Variants in FCHSD2 observed in about 807,000 individuals in gnomAD.
FCHSD2 encodes F-BAR and double SH3 domains protein 2.
FCHSD2 carries 38 observed loss-of-function variants against 108.1 expected under a neutral mutation model. That is an observed-to-expected ratio of 0.35 (90% CI 0.27 to 0.46). The LOEUF is 0.46. FCHSD2 is among the 20% of genes least tolerant of loss of function. The pLI, the probability that FCHSD2 is intolerant of heterozygous loss-of-function variation, is 1.00. For missense variants in FCHSD2, 751 were observed against 897.8 expected (o/e 0.84, Z 2.09); for synonymous variants, 279 against 314.7 (o/e 0.89, Z 1.20).
At chr11:72,995,241 T>C (rs1857498296) in intron 5 of FCHSD2, among the ~76,000 whole-genome samples, 1 of 152,186 alleles carries the variant, frequency 6.6e-6, no homozygotes, top group African/African-American at 2.4e-5. Context: ...AAAGCTGTTT[T>C]CCCCCTAAAT....
intron 8 of FCHSD2, among the ~76,000 whole-genome samples, chr11:72,931,268 T>TG (rs1555056683): frequency 2.6e-4 from 11 of 42,438 alleles, no homozygotes; most frequent in African/African-American, 5.9e-4. Flanking sequence ...CTAATTTTTG[T>TG]GGGTTTTTTT....
chr11:72,927,426 G>C (rs1036907348), intron 8 of FCHSD2, among the ~76,000 whole-genome samples: 2 of 152,154 alleles, frequency 1.3e-5, no homozygotes. Context: ...TTCATCAATT[G>C]CAACAAATGT....
At chr11:72,924,326 G>C (rs1239635190) in intron 8 of FCHSD2, among the ~76,000 whole-genome samples, 1 of 152,034 alleles carries the variant, frequency 6.6e-6, no homozygotes. Flanking sequence ...TGCCCAGGCT[G>C]GAGTGCAGTG....
intron 8 of FCHSD2, among the ~76,000 whole-genome samples, chr11:72,950,549 T>C (rs958782151): frequency 6.6e-6 from 1 of 152,212 alleles, no homozygotes; most frequent in Non-Finnish European, 1.5e-5. Flanking sequence ...TGCATGTGGA[T>C]ATTCAGTTGT....
chr11:72,887,733 T>C lies in FCHSD2; in HGVS notation c.1042-159A>G, dbSNP rs1591371229. On this transcript the variant is annotated intron_variant, in intron 11 of 19. Transcript: ENST00000409418. ...GAACATTTTGAAATAATTATAGACT[T>C]ACTAGTAACAAACTTACTACAGACA... 3.3e-5 allele frequency among the ~76,000 whole-genome samples: 5 copies of C among 152,306 alleles called. No individual in the cohort carries two copies. The East Asian group carries it at 9.6e-4, about 29-fold the overall frequency.
intron 8 of FCHSD2, among the ~76,000 whole-genome samples, chr11:72,968,155 T>G (rs1269629466): frequency 6.6e-6 from 1 of 150,520 alleles, no homozygotes; most frequent in African/African-American, 2.4e-5. Flanking sequence ...TATCTTGAGG[T>G]TTTCCAATTT....
chr11:73,090,740 G>A (rs1255720085), intron 2 of FCHSD2, among the ~76,000 whole-genome samples: 1 of 152,120 alleles, frequency 6.6e-6, no homozygotes, highest in Non-Finnish European at 1.5e-5. Context: ...TAAACTATGT[G>A]CATATATATA....
intron 3 of FCHSD2, among the ~76,000 whole-genome samples, chr11:73,045,182 G>T (rs925378247): frequency 1.3e-5 from 2 of 151,912 alleles, no homozygotes; most frequent in Non-Finnish European, 2.9e-5. Context: ...CATCATCACT[G>T]GCCATCAGAG....
intron 10 of FCHSD2, among the ~76,000 whole-genome samples, chr11:72,900,512 T>C (rs988376368): frequency 2.0e-5 from 3 of 152,072 alleles, no homozygotes; most frequent in African/African-American, 7.2e-5. Flanking sequence ...CTGTGGAAAA[T>C]AGCAATGATA....
intron 8 of FCHSD2, among the ~76,000 whole-genome samples, chr11:72,968,090 C>CA (rs10670606): frequency 0.014 from 1,262 of 87,442 alleles, 6 homozygotes; most frequent in Middle Eastern, 0.05. Flanking sequence ...GACTCTGTCT[C>CA]AAAAAAAAAA....
At chr11:72,874,807 G>C (rs1854933428) in intron 12 of FCHSD2, among the ~76,000 whole-genome samples, 1 of 152,100 alleles carries the variant, frequency 6.6e-6, no homozygotes, top group Non-Finnish European at 1.5e-5. Flanking sequence ...TTGTCTAAAA[G>C]CAGAACTTTC....
At chr11:73,045,925 G>GA (rs941922462) in intron 3 of FCHSD2, among the ~76,000 whole-genome samples, 25 of 138,140 alleles carry the variant, frequency 1.8e-4, no homozygotes, top group East Asian at 4.2e-4. Flanking sequence ...AATAATAAAA[G>GA]AAAAAAAAAT....
At chr11:73,119,400 T>C (rs1456021345) in intron 2 of FCHSD2, among the ~76,000 whole-genome samples, 1 of 152,232 alleles carries the variant, frequency 6.6e-6, no homozygotes, top group Non-Finnish European at 1.5e-5. Context: ...CTATATACTT[T>C]AAAATTTTTA....
At chr11:73,019,271 C>T (rs1165014406) in intron 3 of FCHSD2, among the ~76,000 whole-genome samples, 2 of 152,160 alleles carry the variant, frequency 1.3e-5, no homozygotes, top group Non-Finnish European at 2.9e-5. Context: ...AACTTAAGCA[C>T]TTTCACATGT....
At chr11:72,985,630 A>T (rs1591458494) in intron 6 of FCHSD2, among the ~76,000 whole-genome samples, 1 of 152,162 alleles carries the variant, frequency 6.6e-6, no homozygotes, top group Admixed American at 6.5e-5. Flanking sequence ...TTGTTTGGGT[A>T]CCTGCCTGTG....
intron 3 of FCHSD2, among the ~76,000 whole-genome samples, chr11:73,071,272 C>A (rs887100835): frequency 6.6e-6 from 1 of 152,126 alleles, no homozygotes; most frequent in East Asian, 1.9e-4. Flanking sequence ...CACATGAAAT[C>A]TATAATGGAG....
At chr11:73,107,607 C>T (rs1860376600) in intron 2 of FCHSD2, among the ~76,000 whole-genome samples, 1 of 152,188 alleles carries the variant, frequency 6.6e-6, no homozygotes, top group South Asian at 2.1e-4. Flanking sequence ...CACTACCCTT[C>T]CCAGCCTCCA....
At chr11:72,881,111 C>G (rs1446100073) in intron 12 of FCHSD2, among the ~76,000 whole-genome samples, 1 of 152,120 alleles carries the variant, frequency 6.6e-6, no homozygotes, top group African/African-American at 2.4e-5. Context: ...GAAGAAAATA[C>G]TTGCAAATTA....
In FCHSD2 at chr11:72,838,656, C is replaced by T. The variant is rs1341063051; in HGVS notation, c.*135G>A. ...AACGTGGGAGGAGTCTACCAGGCCA[C>T]CCAGTCACACATAATCCTCCTTGTT... On this transcript the variant is annotated 3_prime_UTR_variant, in exon 20 of 20. Transcript: ENST00000409418. 8.7e-6 allele frequency: 6 copies of T among 692,892 alleles called. No homozygotes were observed. Among genetic ancestry groups the T allele is most frequent in the African/African-American group, 1.8e-5 (1 of 55,940 alleles). 42.9% of individuals were successfully genotyped at this position (692,892 alleles called of 1,614,324 possible).
Sources: allele counts gnomAD v4.1 joint callset (sites outside exome capture counted in the v4.1 genomes callset), GRCh38; gene constraint gnomAD v4.1.1; transcripts MANE v1.5; gene names NCBI Gene and HGNC (gene_info 2026-07-23, HGNC 2026-07-21).